The following ERBB4 variants were observed in gnomAD, a reference collection of about 807,000 sequenced individuals.
ERBB4 encodes erb-b2 receptor tyrosine kinase 4.
In ERBB4, 42 loss-of-function variants were observed where a neutral mutation model predicts 158.0. That is an observed-to-expected ratio of 0.27 (90% CI 0.21 to 0.34). The LOEUF is 0.34. Ranked by LOEUF, ERBB4 falls within the 10% of genes least tolerant of loss-of-function variation. The pLI is 1.00. For synonymous variants in ERBB4, 583 were observed against 558.7 expected (o/e 1.04, Z -0.61); for missense variants, 1,333 against 1,624.1 (o/e 0.82, Z 3.08).
Position 211,679,198 on chromosome 2 carries a change from A to C in ERBB4, c.1490-14T>G. The C allele has an allele frequency of 1.2e-6, 2 of 1,613,336 alleles. No individual in the cohort carries two copies. The highest frequency in any genetic ancestry group is 8.5e-7 in the Non-Finnish European group (1 of 1,179,510). On this transcript the variant is annotated splice_polypyrimidine_tract_variant and intron_variant, in intron 12 of 27. Coordinates refer to ENST00000342788, the MANE Select transcript of ERBB4 (RefSeq NM_005235.3). ...TTCCTTCAGCAGCTGTGAAACACCA[A>C]AATCAAGGGGAAATAAAACAGAGGA... is the stretch of plus-strand genomic sequence containing the variant.
At chr2:211,491,181 G>A (rs1456883859) in intron 20 of ERBB4, among the ~76,000 whole-genome samples, 2 of 152,084 alleles carry the variant, frequency 1.3e-5, no homozygotes, top group African/African-American at 4.8e-5. Flanking sequence ...TGGTTTGGTG[G>A]AAATTTATTG....
At chr2:212,437,754 A>T (rs1034489729) in intron 1 of ERBB4, among the ~76,000 whole-genome samples, 4 of 152,048 alleles carry the variant, frequency 2.6e-5, no homozygotes, top group Admixed American at 2.0e-4. Flanking sequence ...TGTACTGTCT[A>T]TAGGGTAGTT....
chr2:211,496,080 T>C (rs923171297), intron 20 of ERBB4, among the ~76,000 whole-genome samples: 1 of 152,098 alleles, frequency 6.6e-6, no homozygotes, highest in African/African-American at 2.4e-5. Context: ...TTTGATTCAG[T>C]CCAGTTTTCC....
At chr2:212,444,053 G>A (rs2092304457) in intron 1 of ERBB4, among the ~76,000 whole-genome samples, 2 of 152,152 alleles carry the variant, frequency 1.3e-5, no homozygotes, top group African/African-American at 2.4e-5. Context: ...GAAGGCACAT[G>A]TAAGTTACAT....
At chr2:211,948,161 G>C (rs1417688969) in intron 2 of ERBB4, among the ~76,000 whole-genome samples, 1 of 152,096 alleles carries the variant, frequency 6.6e-6, no homozygotes, top group Admixed American at 6.5e-5. Context: ...TTGTGGCCGG[G>C]CATGGTGGCT....
intron 1 of ERBB4, among the ~76,000 whole-genome samples, chr2:212,306,570 T>C (rs982765): frequency 2.0e-5 from 3 of 151,288 alleles, no homozygotes; most frequent in South Asian, 4.1e-4. Context: ...AATAAATTGC[T>C]CTAATTGCCA....
chr2:211,446,551 T>C (rs534320695), intron 20 of ERBB4, among the ~76,000 whole-genome samples: 2 of 152,304 alleles, frequency 1.3e-5, no homozygotes, highest in East Asian at 1.9e-4. Context: ...AGTATGAAGT[T>C]TGAAGTTAGT....
chr2:211,498,665 C>T (rs1294368456), intron 20 of ERBB4, among the ~76,000 whole-genome samples: 1 of 152,088 alleles, frequency 6.6e-6, no homozygotes, highest in Non-Finnish European at 1.5e-5. Flanking sequence ...GAGCTTTTCT[C>T]ATATTTTCCA....
At chr2:212,404,203 A>C (rs2106470099) in intron 1 of ERBB4, among the ~76,000 whole-genome samples, 1 of 152,206 alleles carries the variant, frequency 6.6e-6, no homozygotes. Flanking sequence ...GCTCAAAGAT[A>C]GTAAATCTTG....
At chr2:212,187,166 C>CA (rs1249904280) in intron 1 of ERBB4, among the ~76,000 whole-genome samples, 2 of 151,816 alleles carry the variant, frequency 1.3e-5, no homozygotes, top group Non-Finnish European at 2.9e-5. Flanking sequence ...ATGATCTAGA[C>CA]AAAAAATGCA....
At chr2:211,749,760 TAA>T (rs572486676) in intron 5 of ERBB4, among the ~76,000 whole-genome samples, 7 of 152,164 alleles carry the variant, frequency 4.6e-5, no homozygotes, top group Non-Finnish European at 7.4e-5. Flanking sequence ...AAGTTTCATC[TAA>T]GAGTGTAATA....
chr2:212,396,373 G>T (rs1200604344), intron 1 of ERBB4, among the ~76,000 whole-genome samples: 1 of 152,078 alleles, frequency 6.6e-6, no homozygotes, highest in Admixed American at 6.6e-5. Context: ...TGATTCTAAT[G>T]CTAGATTGTC....
At chr2:211,908,158 C>A (rs2079447785) in intron 3 of ERBB4, among the ~76,000 whole-genome samples, 1 of 151,798 alleles carries the variant, frequency 6.6e-6, no homozygotes, top group African/African-American at 2.4e-5. Context: ...GACCTAAGCT[C>A]TGAAAGTCCC....
chr2:211,514,202 T>C lies in ERBB4; in HGVS notation c.2487+47701A>G, dbSNP rs148940388. ...TCTACCTCCATGAGATCAAATTTTT[T>C]TGGCTCCCACATATTAGAGCGAACA... On this transcript the variant is annotated intron_variant, in intron 20 of 27. Coordinates refer to ENST00000342788, the MANE Select transcript of ERBB4 (RefSeq NM_005235.3). Among the ~76,000 whole-genome samples the C allele has an allele frequency of 4.5e-4, 69 of 152,242 alleles. 1 individual carries two copies. The highest frequency in any genetic ancestry group is 1.5e-3 in the African/African-American group (64 of 41,572).
At chr2:211,751,205 C>G (rs1286481741) in intron 4 of ERBB4, among the ~76,000 whole-genome samples, 1 of 151,972 alleles carries the variant, frequency 6.6e-6, no homozygotes, top group Non-Finnish European at 1.5e-5. Context: ...TGCATTTAAG[C>G]TATACTTTTG....
intron 1 of ERBB4, among the ~76,000 whole-genome samples, chr2:212,209,422 C>G (rs1161872738): frequency 1.3e-5 from 2 of 152,030 alleles, no homozygotes; most frequent in Non-Finnish European, 2.9e-5. Context: ...TTTGTTTGTT[C>G]TACTACTGCA....
At chr2:212,233,213 T>A (rs1030434883) in intron 1 of ERBB4, among the ~76,000 whole-genome samples, 1 of 152,116 alleles carries the variant, frequency 6.6e-6, no homozygotes, top group African/African-American at 2.4e-5. Flanking sequence ...TAGCAAAATA[T>A]TTTACAAAGA....
chr2:212,228,592 G>A (rs2083555509), intron 1 of ERBB4, among the ~76,000 whole-genome samples: 1 of 152,124 alleles, frequency 6.6e-6, no homozygotes, highest in African/African-American at 2.4e-5. Flanking sequence ...GGAGGCAGAA[G>A]CAGTAAAGAC....
intron 19 of ERBB4, among the ~76,000 whole-genome samples, chr2:211,585,351 CAA>C (rs4016514): frequency 9.9e-4 from 131 of 131,936 alleles, no homozygotes; most frequent in African/African-American, 3.2e-3. Context: ...GACTCCGTCT[CAA>C]AAAAAAAAAA....
Sources: allele counts gnomAD v4.1 joint callset (sites outside exome capture counted in the v4.1 genomes callset), GRCh38; gene constraint gnomAD v4.1.1; transcripts MANE v1.5; gene names NCBI Gene and HGNC (gene_info 2026-07-23, HGNC 2026-07-21).